RUNX1T1: variants seen among roughly 807,000 people sequenced by gnomAD.
RUNX1T1 encodes the protein RUNX1 partner transcriptional co-repressor 1, also known as protein CBFA2T1.
In RUNX1T1, 4 loss-of-function variants were observed where a neutral mutation model predicts 62.8. That is an observed-to-expected ratio of 0.06 (90% confidence interval 0.03 to 0.15). The LOEUF (loss-of-function observed/expected upper bound fraction) is 0.15. RUNX1T1 is among the 10% of genes least tolerant of loss of function. RUNX1T1 has a pLI of 1.00. For synonymous variants in RUNX1T1, 291 were observed against 286.0 expected (o/e 1.02, Z -0.18); for missense variants, 508 against 754.3 (o/e 0.67, Z 3.82).
chr8:91,989,914 T>C (rs1163530544), intron 6 of RUNX1T1, among the ~76,000 whole-genome samples: 1 of 152,200 alleles, frequency 6.6e-6, no homozygotes, highest in East Asian at 1.9e-4. Flanking sequence ...ACAAATTATA[T>C]GCATAGCCAT....
At chr8:91,979,808 T>C (rs935787907) in intron 8 of RUNX1T1, 1 of 529,794 alleles carries the variant, frequency 1.9e-6, no homozygotes, top group Non-Finnish European at 3.7e-6. Flanking sequence ...TACTAGATAC[T>C]GCAAGGGCCG....
At chr8:91,970,579 T>C (rs1812615717) in intron 10 of RUNX1T1, 79 bp downstream of exon 11, 1 of 1,279,022 alleles carries the variant, frequency 7.8e-7, no homozygotes, top group Non-Finnish European at 1.1e-6. Context: ...TTATCTAAAG[T>C]GATCACCTTG....
intron 5 of RUNX1T1, among the ~76,000 whole-genome samples, chr8:91,997,691 G>A (rs1048303680): frequency 1.4e-4 from 22 of 151,880 alleles, no homozygotes; most frequent in African/African-American, 5.1e-4. Flanking sequence ...CCTCCTTCTT[G>A]CCCCAGGATA....
At chr8:92,077,314 A>G (rs1018495303) in intron 1 of RUNX1T1, among the ~76,000 whole-genome samples, 2 of 152,138 alleles carry the variant, frequency 1.3e-5, no homozygotes, top group East Asian at 3.8e-4. Flanking sequence ...TCTTGGAAAC[A>G]TTTAGCTTAC....
intron 10 of RUNX1T1, among the ~76,000 whole-genome samples, chr8:91,961,674 G>A (rs1016904966): frequency 1.3e-5 from 2 of 152,198 alleles, no homozygotes; most frequent in Non-Finnish European, 2.9e-5. Flanking sequence ...GAGTGTGGTG[G>A]GGAGGGGGAC....
upstream of RUNX1T1, chr8:92,102,976 C>A (rs1431557465): frequency 7.1e-7 from 1 of 1,412,930 alleles, no homozygotes. The surrounding 1 kb of genome is among the most constrained non-coding windows in gnomAD (Gnocchi z 4.5). Context: ...GCTTCCCTCG[C>A]GAGGCCAGAG....
intron 1 of RUNX1T1, among the ~76,000 whole-genome samples, chr8:92,042,346 C>T (rs1005958577): frequency 6.6e-6 from 1 of 152,194 alleles, no homozygotes; most frequent in Non-Finnish European, 1.5e-5. Flanking sequence ...GACAGGTTCT[C>T]ACTGTTGCCC....
intron 1 of RUNX1T1, among the ~76,000 whole-genome samples, chr8:92,052,995 G>A (rs754085215): frequency 3.9e-5 from 6 of 152,036 alleles, no homozygotes; most frequent in South Asian, 2.1e-4. Flanking sequence ...AGTATCTGCC[G>A]AATTAGCAAA....
intron 1 of RUNX1T1, among the ~76,000 whole-genome samples, chr8:92,038,010 G>C (rs1223032472): frequency 6.6e-6 from 1 of 150,958 alleles, no homozygotes; most frequent in Non-Finnish European, 1.5e-5. Flanking sequence ...TCACCCCTTT[G>C]TTTCCTTCCC....
chr8:92,019,446 AAAAT>A (rs1247321276), intron 1 of RUNX1T1, among the ~76,000 whole-genome samples: 4 of 152,076 alleles, frequency 2.6e-5, no homozygotes, highest in South Asian at 2.1e-4. Flanking sequence ...GAGTAACAAA[AAAAT>A]AAATAAAGCA....
At chr8:92,099,864 A>AT (rs1275845105), upstream of RUNX1T1, among the ~76,000 whole-genome samples, 3 of 152,210 alleles carry the variant, frequency 2.0e-5, no homozygotes, top group Non-Finnish European at 4.4e-5. Context: ...GAAATGCAAG[A>AT]TTTTTTGGCT....
At chr8:92,063,715 CAAT>C (rs1832432817), upstream of RUNX1T1, 2 of 152,352 alleles carry the variant, frequency 1.3e-5, no homozygotes, top group African/African-American at 4.8e-5. Flanking sequence ...AAACACACAA[CAAT>C]GCCAGGCAGA....
intron 7 of RUNX1T1, 33 bp downstream of exon 8, chr8:91,986,854 T>C (rs971901089): frequency 1.4e-6 from 2 of 1,426,788 alleles, no homozygotes; most frequent in Non-Finnish European, 2.0e-6. Flanking sequence ...TTTCCAAACA[T>C]TTTTTAATCC....
chr8:92,009,133 C>T (rs940543719), intron 4 of RUNX1T1, among the ~76,000 whole-genome samples: 1 of 152,092 alleles, frequency 6.6e-6, no homozygotes, highest in Non-Finnish European at 1.5e-5. Flanking sequence ...TTTAATTTAG[C>T]GATTCCATAA....
chr8:92,031,287 C>T (rs879780161), intron 1 of RUNX1T1, among the ~76,000 whole-genome samples: 3 of 152,086 alleles, frequency 2.0e-5, no homozygotes, highest in Non-Finnish European at 4.4e-5. Context: ...TTAACATAGT[C>T]GGGTGTCCAT....
intron 1 of RUNX1T1, among the ~76,000 whole-genome samples, chr8:92,084,884 T>C (rs1563927666): frequency 6.6e-6 from 1 of 152,136 alleles, no homozygotes; most frequent in Non-Finnish European, 1.5e-5. Flanking sequence ...CCAGTGTCCA[T>C]CAGGGCCAGA....
chr8:92,035,251 C>T (rs1229869746), intron 1 of RUNX1T1, among the ~76,000 whole-genome samples: 2 of 149,672 alleles, frequency 1.3e-5, no homozygotes, highest in Admixed American at 6.7e-5. Context: ...GCCAATATCG[C>T]GCCATTGCCC....
intron 1 of RUNX1T1, among the ~76,000 whole-genome samples, chr8:92,061,126 T>G (rs2130589028): frequency 6.6e-6 from 1 of 152,344 alleles, no homozygotes; most frequent in East Asian, 1.9e-4. Context: ...GGGTCCTAAC[T>G]AATCTCGTTC....
intron 3 of RUNX1T1, 122 bp downstream of exon 4, chr8:92,014,457 C>A: frequency 2.1e-6 from 2 of 939,918 alleles, no homozygotes; most frequent in Non-Finnish European, 3.1e-6. Context: ...GACTTGCACA[C>A]AATCTTCAGA....
Sources: allele counts gnomAD v4.1 joint callset (sites outside exome capture counted in the v4.1 genomes callset), GRCh38; gene constraint gnomAD v4.1.1; non-coding constraint Gnocchi (gnomAD v3.1); transcripts MANE v1.5; gene names NCBI Gene and HGNC (gene_info 2026-07-23, HGNC 2026-07-21).